PCDHA6: variants seen among roughly 807,000 people sequenced by gnomAD.
The protein encoded by PCDHA6 is protocadherin alpha-6.
PCDHA6 carries 55 observed loss-of-function variants against 60.3 expected under a neutral mutation model. That is an observed-to-expected ratio of 0.91 (90% CI 0.73 to 1.14). The LOEUF (loss-of-function observed/expected upper bound fraction) is 1.14. Among genes scored for constraint, PCDHA6 ranks in the 50% most tolerant of loss-of-function variants. PCDHA6 has a pLI of 0.00. For synonymous variants in PCDHA6, 652 were observed against 557.9 expected, an observed-to-expected ratio of 1.17 and a Z score of -2.38; for missense variants, 1,327 against 1,256.5, an observed-to-expected ratio of 1.06 and a Z score of -0.85.
chr5:140,928,146 A>G, intron 1 of PCDHA6: 1 of 1,614,222 alleles, frequency 6.2e-7, no homozygotes, highest in African/African-American at 1.3e-5. Flanking sequence ...TCACGGCCTC[A>G]GATAGTGGCT....
At chr5:140,955,692 T>A (rs1021752704) in intron 1 of PCDHA6, among the ~76,000 whole-genome samples, 1 of 152,196 alleles carries the variant, frequency 6.6e-6, no homozygotes, top group African/African-American at 2.4e-5. Context: ...CTGTGATGAA[T>A]GTCAATGGAA....
In PCDHA6 at chr5:140,858,521, A is replaced by G. The variant is rs782589492; in HGVS notation, c.2394+28036A>G. On this transcript the variant is annotated intron_variant, in intron 1 of 3. Transcript: ENST00000529310. Reference sequence around the variant, plus strand: ...CATTTTCTCAAATATGTATCAGAATATTTCATTTTTGTCTACATTCCATTT... The same window carrying G: ...CATTTTCTCAAATATGTATCAGAATGTTTCATTTTTGTCTACATTCCATTT... 1.4e-6 allele frequency: 2 copies of G among 1,420,880 alleles called. 1 individual carries two copies. Among genetic ancestry groups the G allele is most frequent in the Non-Finnish European group, 1.9e-6 (2 of 1,028,816 alleles). 88.0% of individuals were successfully genotyped at this position (1,420,880 alleles called of 1,614,324 possible).
chr5:140,991,482 G>A (rs781952323), intron 3 of PCDHA6, among the ~76,000 whole-genome samples: 3 of 152,204 alleles, frequency 2.0e-5, no homozygotes, highest in Non-Finnish European at 4.4e-5. Flanking sequence ...CTGGAAGTCA[G>A]AAGTCCACAG....
In PCDHA6 at chr5:140,887,388, G is replaced by A. The variant is rs138166374; in HGVS notation, c.2394+56903G>A. ...TGGGATTACAGGTGTGAGCCACCGC[G>A]CCCGGCTCTTTATCTCATTTTTATT... is the stretch of plus-strand genomic sequence containing the variant. On this transcript the variant is annotated intron_variant, in intron 1 of 3. Transcript: ENST00000529310. 5.8e-3 allele frequency among the ~76,000 whole-genome samples: 888 copies of A among 152,192 alleles called. 10 individuals carry two copies. The highest frequency in any genetic ancestry group is 0.019 in the African/African-American group (805 of 41,536).
intron 1 of PCDHA6, among the ~76,000 whole-genome samples, chr5:140,913,410 C>A (rs375204256): frequency 6.6e-6 from 1 of 152,040 alleles, no homozygotes; most frequent in Non-Finnish European, 1.5e-5. Flanking sequence ...CCTTTGAATT[C>A]CTGCAGTATC....
intron 1 of PCDHA6, among the ~76,000 whole-genome samples, chr5:140,937,911 CAAAA>C (rs200797202): frequency 8.5e-6 from 1 of 117,894 alleles, no homozygotes; most frequent in Non-Finnish European, 1.9e-5. Context: ...GACTCCGTCT[CAAAA>C]AAAAAAAAAA....
chr5:140,916,051 G>A (rs2153537424), intron 1 of PCDHA6, among the ~76,000 whole-genome samples: 1 of 152,240 alleles, frequency 6.6e-6, no homozygotes, highest in African/African-American at 2.4e-5. Context: ...ACAGGCAGAG[G>A]TGCCTCTCCC....
In PCDHA6 at chr5:140,869,324, T is replaced by C. The variant is rs1581884799; in HGVS notation, c.2394+38839T>C. 1.9e-6 allele frequency: 3 copies of C among 1,613,876 alleles called. No individual in the cohort carries two copies. In the East Asian group the frequency reaches 6.7e-5, roughly 36 times the overall value. On this transcript the variant is annotated intron_variant, in intron 1 of 3. Coordinates refer to ENST00000529310, the MANE Select transcript of PCDHA6 (RefSeq NM_018909.4). Reference sequence around the variant, plus strand: ...GTGGCGTCCAAAACACATGGGGACCTTCTGGAGGTAAATCTGCAGAATGGC... The same window carrying C: ...GTGGCGTCCAAAACACATGGGGACCCTCTGGAGGTAAATCTGCAGAATGGC...
intron 1 of PCDHA6, chr5:140,841,218 C>T: frequency 7.0e-7 from 1 of 1,431,458 alleles, no homozygotes; most frequent in Non-Finnish European, 9.4e-7. Flanking sequence ...CTCTAAAGGC[C>T]GAACAACGGG....
chr5:140,929,352 C>T (rs782815841), intron 1 of PCDHA6: 8 of 1,526,758 alleles, frequency 5.2e-6, no homozygotes, highest in Admixed American at 2.1e-5. Flanking sequence ...GAATTTGATT[C>T]CTTTGGCCCG....
chr5:140,850,511 C>T (rs2150486900), intron 1 of PCDHA6: 2 of 1,598,036 alleles, frequency 1.3e-6, no homozygotes, highest in East Asian at 2.2e-5. Context: ...TGGTGGAGAG[C>T]GGCCAGGCGC....
In PCDHA6 at chr5:140,829,134, C is replaced by A. The variant is rs2150162893; in HGVS notation, c.1043C>A (p.Pro348His). The change falls in exon 1 of 4, where the codon CCT becomes CAT. Residue 348 changes from proline (P) to histidine (H), a missense_variant. Pro to His is a moderately conservative substitution (Grantham distance 77). Transcript: ENST00000529310. ...ATTTTGGATAAAAATGATAACGTCC[C>A]TGAGATAGCACTGACTTCCTTATCC... ...VRILDKNDNV[P>H]EIALTSLSLP... The A allele has an allele frequency of 6.2e-7, 1 of 1,613,168 alleles. No individual in the cohort carries two copies.
chr5:140,901,146 C>A (rs1463079898), intron 1 of PCDHA6, among the ~76,000 whole-genome samples: 1 of 152,180 alleles, frequency 6.6e-6, no homozygotes, highest in African/African-American at 2.4e-5. Flanking sequence ...AATATTTTCT[C>A]TCAATCTGTG....
chr5:140,862,610 G>A (rs2047447715), intron 1 of PCDHA6: 4 of 520,926 alleles, frequency 7.7e-6, no homozygotes, highest in Non-Finnish European at 1.6e-5. Flanking sequence ...TTCGTGAAAG[G>A]TAACAACCCG....
chr5:140,927,484 A>G (rs1554204601), intron 1 of PCDHA6: 2 of 1,613,906 alleles, frequency 1.2e-6, no homozygotes, highest in East Asian at 2.2e-5. Flanking sequence ...ACAGCGCGCC[A>G]CCCACCTGCT....
chr5:140,920,060 G>T (rs565038135), intron 1 of PCDHA6, among the ~76,000 whole-genome samples: 1 of 152,264 alleles, frequency 6.6e-6, no homozygotes, highest in African/African-American at 2.4e-5. Context: ...CCAACACCTG[G>T]AAAAGGCAGA....
intron 1 of PCDHA6, 134 bp downstream of exon 1, chr5:140,830,619 TTTC>T (rs1771166923): frequency 5.1e-6 from 3 of 592,920 alleles, no homozygotes; most frequent in East Asian, 7.2e-5. Flanking sequence ...TTTTATTGTG[TTTC>T]TTATTTTAAT....
chr5:140,914,473 G>A (rs1162580496), intron 1 of PCDHA6, among the ~76,000 whole-genome samples: 1 of 152,116 alleles, frequency 6.6e-6, no homozygotes, highest in Admixed American at 6.6e-5. Flanking sequence ...TATCTTCATA[G>A]GTGAAGTGTT....
chr5:140,978,920 A>G, intron 1 of PCDHA6, 29 bp from the exon 2 acceptor site: 1 of 1,614,014 alleles, frequency 6.2e-7, no homozygotes, highest in Non-Finnish European at 8.5e-7. Context: ...TTGTCATTTT[A>G]ACAGAAAACT....
Sources: gnomAD v4.1 joint callset for allele counts (sites outside exome capture counted in the v4.1 genomes callset) on GRCh38, gnomAD v4.1.1 for gene constraint, MANE v1.5 for transcripts, NCBI Gene and HGNC (gene_info 2026-07-23, HGNC 2026-07-21) for gene names.